The following TFEB variants were observed in gnomAD, a reference collection of about 807,000 sequenced individuals.
The protein encoded by TFEB is transcription factor EB.
A neutral mutation model predicts 48.0 loss-of-function variants in TFEB; 12 were observed. The observed-to-expected ratio is 0.25, with a 90% CI of 0.16 to 0.40. The LOEUF is 0.40. Ranked by LOEUF, TFEB falls within the 10% of genes least tolerant of loss-of-function variation. TFEB has a pLI of 1.00. For missense variants in TFEB, 509 were observed against 640.3 expected (o/e 0.79, Z 2.21); for synonymous variants, 244 against 261.4 (o/e 0.93, Z 0.64).
chr6:41,701,159 G>A (rs1360330491), intron 1 of TFEB, among the ~76,000 whole-genome samples: 1 of 152,190 alleles, frequency 6.6e-6, no homozygotes, highest in Non-Finnish European at 1.5e-5. Context: ...ATGCACACAT[G>A]TCCATGTGCA....
intron 7 of TFEB, chr6:41,686,542 G>A (rs1050211494): frequency 4.6e-5 from 12 of 262,016 alleles, no homozygotes; most frequent in South Asian, 1.3e-4. Flanking sequence ...ATGGAGTCTC[G>A]TTCTGTTGCC....
chr6:41,697,914 G>T (rs946496486), intron 1 of TFEB, among the ~76,000 whole-genome samples: 12 of 152,128 alleles, frequency 7.9e-5, no homozygotes, highest in Non-Finnish European at 1.6e-4. Context: ...AACCTCTTGG[G>T]AGGAAATATA....
intron 1 of TFEB, among the ~76,000 whole-genome samples, chr6:41,709,225 A>C (rs190090865): frequency 2.5e-4 from 38 of 152,326 alleles, no homozygotes; most frequent in Middle Eastern, 3.4e-3. Flanking sequence ...TTGATTAAAC[A>C]CTAAGAGTGT....
intron 1 of TFEB, among the ~76,000 whole-genome samples, chr6:41,700,683 G>C (rs1769872002): frequency 6.6e-6 from 1 of 152,100 alleles, no homozygotes; most frequent in Non-Finnish European, 1.5e-5. Flanking sequence ...TTAAATCTCT[G>C]AGCACCAGCA....
rs1202062332 is a variant in TFEB, at chr6:41,734,612, CG to C, written c.-23+737del. On this transcript the variant is annotated intron_variant, in intron 1 of 8. Transcript: ENST00000373033. This position sits in a 1 kb window ranked among gnomAD's most constrained non-coding sequence, Gnocchi z 4.0. ...GGGGGCGGGCAGGCAGCTGGGAACC[CG>C]GGGGGAGGCAGACAACGGGGCGCAC... Among the ~76,000 whole-genome samples the C allele has an allele frequency of 9.6e-6, 1 of 104,078 alleles. No individual in the cohort carries two copies. Among genetic ancestry groups the C allele is most frequent in the African/African-American group, 3.9e-5 (1 of 25,872 alleles). 68.3% of individuals were successfully genotyped at this position (104,078 alleles called of 152,430 possible). A position where few individuals can be genotyped will look rare whatever the true frequency, so the allele number is the denominator to read the frequency against.
At chr6:41,733,598 G>A (rs2127281441) in intron 1 of TFEB, 1 of 985,416 alleles carries the variant, frequency 1.0e-6, no homozygotes, top group Non-Finnish European at 1.2e-6. Context: ...GGCAGACGGA[G>A]AGAAGGGAGC....
At chr6:41,702,734 G>C (rs1019862263) in intron 1 of TFEB, among the ~76,000 whole-genome samples, 3 of 152,178 alleles carry the variant, frequency 2.0e-5, no homozygotes, top group African/African-American at 7.2e-5. Context: ...TCTGAGATGA[G>C]TCTGTTTTGC....
At position 41,715,585 on chromosome 6, in the gene TFEB, G is replaced by A. The variant is rs182399705; in HGVS notation, c.-23+19765C>T. Among the ~76,000 whole-genome samples, 767 of 151,882 alleles carry A rather than the reference G, an allele frequency of 5.0e-3. 22 individuals carry two copies. Among genetic ancestry groups the A allele is most frequent in the Admixed American group, 0.041 (628 of 15,242 alleles). On this transcript the variant is annotated intron_variant, in intron 1 of 8. Transcript: ENST00000373033. ...CTCGGGAGACTGAGGCAGGAGAATC[G>A]CTTGAACCCAGGAGGCGGAGCTTGC...
chr6:41,708,277 A>G (rs1770329234), intron 1 of TFEB, among the ~76,000 whole-genome samples: 1 of 152,216 alleles, frequency 6.6e-6, no homozygotes, highest in South Asian at 2.1e-4. Flanking sequence ...CCTCTTGGAC[A>G]TAGAAAGGGA....
At chr6:41,685,579 ACT>A (rs368637792) in intron 8 of TFEB, among the ~76,000 whole-genome samples, 1 of 152,082 alleles carries the variant, frequency 6.6e-6, no homozygotes, top group Non-Finnish European at 1.5e-5. Flanking sequence ...CAGGACTAGA[ACT>A]CTCAGTTCCA....
chr6:41,688,834 G>T (rs1391080948), intron 4 of TFEB, among the ~76,000 whole-genome samples: 1 of 152,174 alleles, frequency 6.6e-6, no homozygotes, highest in Non-Finnish European at 1.5e-5. Context: ...ACAGAGGATT[G>T]ACTCCCCACC....
Position 41,684,588 on chromosome 6 carries a change from G to T in TFEB, c.*11C>A, listed in dbSNP as rs1379255467. 3 of 1,542,100 alleles carry T rather than the reference G, an allele frequency of 1.9e-6. No homozygotes were observed. In the South Asian group the frequency reaches 3.8e-5, roughly 19 times the overall value. On this transcript the variant is annotated 3_prime_UTR_variant, in exon 9 of 9. Transcript: ENST00000373033. Reference sequence around the variant, plus strand: ...GCCGGCCCCTGTTCCCTGGCACAGGGGCAGCCAGGGTCACAGCACATCGCC... The same window carrying T: ...GCCGGCCCCTGTTCCCTGGCACAGGTGCAGCCAGGGTCACAGCACATCGCC...
At chr6:41,715,087 C>T (rs1004906087) in intron 1 of TFEB, among the ~76,000 whole-genome samples, 2 of 152,152 alleles carry the variant, frequency 1.3e-5, no homozygotes, top group African/African-American at 2.4e-5. Flanking sequence ...GTGGGAGGAC[C>T]ACCCCACCTG....
At position 41,724,096 on chromosome 6, in the gene TFEB, C is replaced by A. The variant is rs1270489294; in HGVS notation, c.-23+11254G>T. Among the ~76,000 whole-genome samples, 3 of 151,554 alleles carry A rather than the reference C, an allele frequency of 2.0e-5. No individual in the cohort carries two copies. Among genetic ancestry groups the A allele is most frequent in the African/African-American group, 7.3e-5 (3 of 41,136 alleles). Reference sequence around the variant, plus strand: ...AAATGGAGCCTGAGATCAAGCAGAGCCCTGGGCAGCTCCGGGAAGATCCAC... The same window carrying A: ...AAATGGAGCCTGAGATCAAGCAGAGACCTGGGCAGCTCCGGGAAGATCCAC... On this transcript the variant is annotated intron_variant, in intron 1 of 8. Coordinates refer to ENST00000373033, the MANE Select transcript of TFEB (RefSeq NM_001271944.2). The surrounding 1 kb of genome is among the most constrained non-coding windows in gnomAD (Gnocchi z 4.4).
intron 1 of TFEB, among the ~76,000 whole-genome samples, chr6:41,698,947 G>C (rs909448175): frequency 2.6e-5 from 4 of 152,212 alleles, no homozygotes; most frequent in Non-Finnish European, 4.4e-5. Flanking sequence ...GTGGTCATGA[G>C]TCACTGTAGG....
intron 1 of TFEB, among the ~76,000 whole-genome samples, chr6:41,716,419 A>AG (rs113746734): frequency 0.046 from 6,989 of 152,192 alleles, 516 homozygotes; most frequent in African/African-American, 0.16. Flanking sequence ...GATGTGGGAA[A>AG]CCTATCTGAT....
At chr6:41,690,318 T>G (rs1350237410) in intron 3 of TFEB, among the ~76,000 whole-genome samples, 1 of 151,900 alleles carries the variant, frequency 6.6e-6, no homozygotes, top group Non-Finnish European at 1.5e-5. Flanking sequence ...TTAGTAGAGA[T>G]AGGGTTTCAC....
At chr6:41,714,891 G>A (rs1221791683) in intron 1 of TFEB, among the ~76,000 whole-genome samples, 2 of 152,198 alleles carry the variant, frequency 1.3e-5, no homozygotes, top group African/African-American at 4.8e-5. Context: ...CAAGTCAGAG[G>A]GCACAAAATG....
rs73420050 is a variant in TFEB, at chr6:41,688,154, C to G, written c.550-126G>C. On this transcript the variant is annotated intron_variant, in intron 4 of 8. Transcript: ENST00000373033. The stretch of plus-strand genomic sequence containing the variant: ...CTGGAGTGTCAAAATTCACCTTGGG[C>G]CCTTTCACCCAGCAATTCAACCTGA... 8.4e-3 allele frequency: 10,130 copies of G among 1,209,548 alleles called. 607 individuals are homozygous for G. In the African/African-American group the frequency reaches 0.13, roughly 16 times the overall value. 74.9% of individuals were successfully genotyped at this position (1,209,548 alleles called of 1,614,324 possible).
Sources: gnomAD v4.1 joint callset for allele counts (sites outside exome capture counted in the v4.1 genomes callset) on GRCh38, gnomAD v4.1.1 for gene constraint, Gnocchi (gnomAD v3.1) non-coding constraint, MANE v1.5 for transcripts, NCBI Gene and HGNC (gene_info 2026-07-23, HGNC 2026-07-21) for gene names.